The following ANAPC10 variants were observed in gnomAD, a reference collection of about 807,000 sequenced individuals.
The protein encoded by ANAPC10 is anaphase-promoting complex subunit 10.
In ANAPC10, 12 loss-of-function variants were observed where a neutral mutation model predicts 22.0. The ratio of observed to expected loss-of-function variants is 0.55; its 90% CI spans 0.35 to 0.88. ANAPC10 has a LOEUF of 0.88. Among genes scored for constraint, ANAPC10 ranks in the 40% least tolerant of loss-of-function variants. The pLI is 0.01. For missense variants in ANAPC10, 188 were observed against 220.9 expected (o/e 0.85, Z 0.94); for synonymous variants, 65 against 69.5 (o/e 0.94, Z 0.32).
chr4:145,056,788 T>A (rs904505317), intron 4 of ANAPC10, among the ~76,000 whole-genome samples: 2 of 152,188 alleles, frequency 1.3e-5, no homozygotes, highest in African/African-American at 2.4e-5. Flanking sequence ...TCCCAGTATG[T>A]TTTCCTTATA....
rs142440767 is a variant in ANAPC10, at chr4:145,055,448, C to T, written c.327+9124G>A. Among the ~76,000 whole-genome samples the T allele has an allele frequency of 4.5e-3, 682 of 152,170 alleles. 9 individuals carry two copies. Among genetic ancestry groups the T allele is most frequent in the African/African-American group, 0.015 (621 of 41,494 alleles). On this transcript the variant is annotated intron_variant, in intron 4 of 4. Coordinates refer to ENST00000507656, the MANE Select transcript of ANAPC10 (RefSeq NM_001256706.2). The stretch of plus-strand genomic sequence containing the variant: ...TGGTGTGTGCCTGTAGTCCCAGCTA[C>T]TCAGGAGGCTGAGGCATGAGAATCA...
chr4:145,062,543 G>A (rs1743047560), intron 4 of ANAPC10, among the ~76,000 whole-genome samples: 1 of 152,032 alleles, frequency 6.6e-6, no homozygotes, highest in Non-Finnish European at 1.5e-5. Context: ...GGAGGTGGAG[G>A]TTGCAGTGAG....
At chr4:145,090,321 TG>T (rs1747484490) in intron 2 of ANAPC10, among the ~76,000 whole-genome samples, 1 of 152,318 alleles carries the variant, frequency 6.6e-6, no homozygotes, top group South Asian at 2.1e-4. Context: ...TTATTTTTTG[TG>T]GGTTTTTTCC....
At chr4:145,089,076 C>T (rs1438037287) in intron 2 of ANAPC10, among the ~76,000 whole-genome samples, 1 of 152,108 alleles carries the variant, frequency 6.6e-6, no homozygotes, top group Non-Finnish European at 1.5e-5. Flanking sequence ...TAAAAGAGGC[C>T]TTCCATAATC....
chr4:145,026,347 G>T (rs528951378), intron 4 of ANAPC10, among the ~76,000 whole-genome samples: 3 of 152,104 alleles, frequency 2.0e-5, no homozygotes, highest in African/African-American at 4.8e-5. Context: ...CTGTTCTCTT[G>T]TAAGTGATGT....
intron 4 of ANAPC10, chr4:145,053,918 G>GTGT: frequency 5.7e-6 from 2 of 352,090 alleles, no homozygotes; most frequent in African/African-American, 2.2e-5. Flanking sequence ...GTGTGTGTGT[G>GTGT]TTTTTTTTTT....
chr4:145,057,200 C>G (rs2126397916), intron 4 of ANAPC10, among the ~76,000 whole-genome samples: 1 of 152,322 alleles, frequency 6.6e-6, no homozygotes. Flanking sequence ...GCTATTAAAT[C>G]ATTTCATTAG....
chr4:145,079,577 CAT>C (rs1330330408), intron 3 of ANAPC10, among the ~76,000 whole-genome samples: 1 of 152,172 alleles, frequency 6.6e-6, no homozygotes, highest in Admixed American at 6.5e-5. Flanking sequence ...CAAATGCACA[CAT>C]ATGTTGATTG....
At chr4:145,060,646 C>T (rs555073721) in intron 4 of ANAPC10, among the ~76,000 whole-genome samples, 8 of 151,942 alleles carry the variant, frequency 5.3e-5, no homozygotes, top group Admixed American at 3.9e-4. Context: ...GGGCAAACAT[C>T]CACGGAAAAA....
chr4:145,054,375 C>G (rs1168021633), intron 4 of ANAPC10, among the ~76,000 whole-genome samples: 5 of 149,670 alleles, frequency 3.3e-5, no homozygotes, highest in Non-Finnish European at 7.4e-5. Context: ...CATGGTGAAA[C>G]CCCGTCTCTA....
intron 4 of ANAPC10, among the ~76,000 whole-genome samples, chr4:145,022,058 G>A (rs1736035231): frequency 6.6e-6 from 1 of 152,144 alleles, no homozygotes; most frequent in Non-Finnish European, 1.5e-5. Context: ...CTACACTGCT[G>A]GAATGTAAAC....
intron 2 of ANAPC10, among the ~76,000 whole-genome samples, chr4:145,086,778 A>C (rs1579159345): frequency 2.1e-5 from 3 of 144,740 alleles, no homozygotes; most frequent in African/African-American, 7.8e-5. Context: ...CCCCACCCTC[A>C]TGTCCCCAGT....
intron 3 of ANAPC10, among the ~76,000 whole-genome samples, chr4:145,067,867 T>A (rs966204007): frequency 3.3e-5 from 5 of 152,214 alleles, no homozygotes; most frequent in African/African-American, 1.2e-4. Flanking sequence ...GCCATATGAC[T>A]AAGTTATGGC....
intron 4 of ANAPC10, among the ~76,000 whole-genome samples, chr4:145,041,547 C>T (rs575900695): frequency 2.0e-5 from 3 of 152,302 alleles, no homozygotes; most frequent in Admixed American, 6.5e-5. Context: ...ACTCAGACAT[C>T]GTAGGCCCTT....
intron 4 of ANAPC10, among the ~76,000 whole-genome samples, chr4:145,010,762 A>C (rs1734175701): frequency 6.6e-6 from 1 of 152,126 alleles, no homozygotes; most frequent in African/African-American, 2.4e-5. Flanking sequence ...AACATGGCAC[A>C]TGTATACATA....
chr4:145,034,638 C>T (rs1279810279), intron 4 of ANAPC10, among the ~76,000 whole-genome samples: 3 of 147,796 alleles, frequency 2.0e-5, no homozygotes, highest in Non-Finnish European at 4.5e-5. Context: ...ATATAATATC[C>T]TATATACAGG....
intron 4 of ANAPC10, among the ~76,000 whole-genome samples, chr4:145,022,573 G>A (rs992474853): frequency 1.5e-4 from 23 of 151,872 alleles, no homozygotes; most frequent in African/African-American, 5.6e-4. Context: ...ATACTGCTTG[G>A]GTGATGGGTG....
chr4:145,081,231 A>AAC (rs1745971741), intron 3 of ANAPC10, among the ~76,000 whole-genome samples: 2 of 152,030 alleles, frequency 1.3e-5, no homozygotes, highest in Non-Finnish European at 2.9e-5. Context: ...CTAAGTAAAA[A>AAC]AAAAAAAAAA....
chr4:145,007,228 C>T (rs1334944788), intron 4 of ANAPC10, among the ~76,000 whole-genome samples: 1 of 152,072 alleles, frequency 6.6e-6, no homozygotes, highest in Admixed American at 6.6e-5. Flanking sequence ...TTAGACACAT[C>T]TACGAGACAG....
Sources: gnomAD v4.1 joint callset for allele counts (sites outside exome capture counted in the v4.1 genomes callset) on GRCh38, gnomAD v4.1.1 for gene constraint, MANE v1.5 for transcripts, NCBI Gene and HGNC (gene_info 2026-07-23, HGNC 2026-07-21) for gene names.